GPRIN3: variants seen among roughly 807,000 people sequenced by gnomAD.
GPRIN3 encodes the protein GPRIN family member 3, also known as G protein-regulated inducer of neurite outgrowth 3.
GPRIN3 carries 12 observed loss-of-function variants against 13.7 expected under a neutral mutation model. The observed-to-expected ratio is 0.87, with a 90% confidence interval of 0.56 to 1.42. The LOEUF (loss-of-function observed/expected upper bound fraction) is 1.42. GPRIN3 is among the 40% of genes most tolerant of loss of function. The pLI is 0.00. For missense variants in GPRIN3, 1,009 were observed against 958.7 expected (o/e 1.05, Z -0.69); for synonymous variants, 377 against 372.7 (o/e 1.01, Z -0.13).
chr4:89,274,612 T>A lies in GPRIN3; in HGVS notation c.-123-24379A>T, dbSNP rs375093020. Reference sequence around the variant, plus strand: ...CACAGGGCAATGGGGAAAACACTGTTATTTAGAAGACACAGACTTGATTTT... The same window carrying A: ...CACAGGGCAATGGGGAAAACACTGTAATTTAGAAGACACAGACTTGATTTT... On this transcript the variant is annotated intron_variant, in intron 1 of 1. Transcript: ENST00000609438. 3.7e-4 allele frequency among the ~76,000 whole-genome samples: 57 copies of A among 152,324 alleles called. No individual in the cohort carries two copies. In the East Asian group the frequency reaches 9.8e-3, roughly 26 times the overall value.
intron 1 of GPRIN3, among the ~76,000 whole-genome samples, chr4:89,262,278 G>A (rs1217604599): frequency 7.2e-5 from 11 of 151,974 alleles, no homozygotes; most frequent in Admixed American, 7.2e-4. Flanking sequence ...ATTAAGAAGA[G>A]AAAAATGAGT....
intron 1 of GPRIN3, among the ~76,000 whole-genome samples, chr4:89,288,582 A>T (rs1256368351): frequency 1.3e-5 from 2 of 152,092 alleles, no homozygotes; most frequent in Admixed American, 6.6e-5. Context: ...AGATGAGGGG[A>T]ATTTGTTTTT....
chr4:89,241,911 G>C lies in GPRIN3; in HGVS notation c.*5869C>G, dbSNP rs561848273. 6.6e-6 allele frequency: 1 copy of C among 152,162 alleles called. No individual in the cohort carries two copies. The highest frequency in any genetic ancestry group is 1.9e-4 in the East Asian group (1 of 5,178). 9.4% of individuals were successfully genotyped at this position (152,162 alleles called of 1,614,324 possible). On this transcript the variant is annotated 3_prime_UTR_variant, in exon 2 of 2. Coordinates refer to ENST00000609438, the MANE Select transcript of GPRIN3 (RefSeq NM_198281.3). ...CTGCTCAAGAGTTTTTCTAAAGAGA[G>C]ACAATTTTTAAAGCAACAAAGAACA...
chr4:89,273,020 T>A (rs1291221173), intron 1 of GPRIN3, among the ~76,000 whole-genome samples: 1 of 152,204 alleles, frequency 6.6e-6, no homozygotes, highest in Non-Finnish European at 1.5e-5. Context: ...ACCACATTTT[T>A]TTTTGTAGAT....
At chr4:89,287,002 T>C (rs1460182349) in intron 1 of GPRIN3, among the ~76,000 whole-genome samples, 1 of 152,126 alleles carries the variant, frequency 6.6e-6, no homozygotes, top group Non-Finnish European at 1.5e-5. Flanking sequence ...ACCCTGTCTC[T>C]AAAAACAAAA....
intron 1 of GPRIN3, among the ~76,000 whole-genome samples, chr4:89,303,047 C>A (rs1043581100): frequency 1.3e-5 from 2 of 151,882 alleles, no homozygotes; most frequent in Non-Finnish European, 2.9e-5. Flanking sequence ...TGAAGCCCAC[C>A]AAGAAAATGT....
rs146179212 is a variant in GPRIN3, at chr4:89,278,218, C to T, written c.-123-27985G>A. On this transcript the variant is annotated intron_variant, in intron 1 of 1. Coordinates refer to ENST00000609438, the MANE Select transcript of GPRIN3 (RefSeq NM_198281.3). ...TGTGTTCTGAACTTAAAGAAAGGAT[C>T]GATCATTATGTCTCATTTCTATGAA... Among the ~76,000 whole-genome samples, 34 of 152,162 alleles carry T rather than the reference C, an allele frequency of 2.2e-4. 1 individual carries two copies. The East Asian group carries it at 6.4e-3, about 29-fold the overall frequency.
At chr4:89,261,784 A>C (rs930831915) in intron 1 of GPRIN3, among the ~76,000 whole-genome samples, 11 of 152,190 alleles carry the variant, frequency 7.2e-5, no homozygotes, top group Admixed American at 5.9e-4. Context: ...ATGAATACTA[A>C]GCAGCCATAC....
chr4:89,285,183 C>T lies in GPRIN3; in HGVS notation c.-124+22432G>A, dbSNP rs564636853. Among the ~76,000 whole-genome samples the T allele has an allele frequency of 5.3e-3, 808 of 151,228 alleles. 5 individuals are homozygous for T. Among genetic ancestry groups the T allele is most frequent in the African/African-American group, 0.019 (765 of 41,086 alleles). ...CAAACTGCCTTTGAAAAATCCCTACCCTACACAGGGCGGGGTCGGTTGGGG... is the reference window on the plus strand; with the variant it reads ...CAAACTGCCTTTGAAAAATCCCTACTCTACACAGGGCGGGGTCGGTTGGGG... On this transcript the variant is annotated intron_variant, in intron 1 of 1. Coordinates refer to ENST00000609438, the MANE Select transcript of GPRIN3 (RefSeq NM_198281.3).
rs1223242022 is a variant in GPRIN3, at chr4:89,249,371, T to C, written c.740A>G (p.Asn247Ser). 1.2e-6 allele frequency: 2 copies of C among 1,614,136 alleles called. No homozygotes were observed. The highest frequency in any genetic ancestry group is 2.2e-5 in the South Asian group (2 of 91,082). The change falls in exon 2 of 2, where the codon AAC becomes AGC. Residue 247 changes from asparagine to serine, a missense_variant. By Grantham distance (46) the Asn-to-Ser change is conservative. Coordinates refer to ENST00000609438, the MANE Select transcript of GPRIN3 (RefSeq NM_198281.3). ...PLTRESGCSE[N>S]KQPSVTASGP... ...CGAGGCAGTGACAGAGGGCTGCTTG[T>C]TCTCTGAACATCCAGATTCTCTAGT...
rs142684451 is a variant in GPRIN3 at position 89,294,432 on chromosome 4, G to A, written c.-124+13183C>T. On this transcript the variant is annotated intron_variant, in intron 1 of 1. Coordinates refer to ENST00000609438, the MANE Select transcript of GPRIN3 (RefSeq NM_198281.3). ...TCAGTTAATCAATTTTTATCATACT[G>A]TATGTGCATTGAGAATAAATAAATA... 3.7e-3 allele frequency among the ~76,000 whole-genome samples: 558 copies of A among 152,220 alleles called. 3 individuals carry two copies. Among genetic ancestry groups the A allele is most frequent in the Non-Finnish European group, 5.7e-3 (386 of 68,016 alleles).
At chr4:89,276,892 G>T (rs72872539) in intron 1 of GPRIN3, among the ~76,000 whole-genome samples, 2,840 of 152,312 alleles carry the variant, frequency 0.019, 84 homozygotes, top group African/African-American at 0.065. Flanking sequence ...ATTCCTATAT[G>T]GGGGTGGGAG....
At chr4:89,268,239 A>G (rs1723835671) in intron 1 of GPRIN3, among the ~76,000 whole-genome samples, 1 of 152,224 alleles carries the variant, frequency 6.6e-6, no homozygotes, top group Non-Finnish European at 1.5e-5. Context: ...GTTTCCATAC[A>G]AGAGATAGGA....
At chr4:89,299,252 G>A (rs1421406236) in intron 1 of GPRIN3, among the ~76,000 whole-genome samples, 1 of 152,004 alleles carries the variant, frequency 6.6e-6, no homozygotes, top group East Asian at 1.9e-4. Flanking sequence ...TCCTCTGTTA[G>A]TTTCGATTGG....
At position 89,241,967 on chromosome 4, in the gene GPRIN3, T is replaced by G. The variant is rs1390769900; in HGVS notation, c.*5813A>C. 3 of 152,174 alleles carry G rather than the reference T, an allele frequency of 2.0e-5. No individual in the cohort carries two copies. The highest frequency in any genetic ancestry group is 2.9e-5 in the Non-Finnish European group (2 of 68,022). 9.4% of individuals were successfully genotyped at this position (152,174 alleles called of 1,614,324 possible). ...AGCAGCAATGTCAAAAAGCAAGCTA[T>G]AATTTTCACCCCAGAAATAAATGAA... On this transcript the variant is annotated 3_prime_UTR_variant, in exon 2 of 2. Coordinates refer to ENST00000609438, the MANE Select transcript of GPRIN3 (RefSeq NM_198281.3).
intron 1 of GPRIN3, among the ~76,000 whole-genome samples, chr4:89,254,153 AGT>A: frequency 1.7e-5 from 1 of 60,158 alleles, no homozygotes; most frequent in Non-Finnish European, 3.7e-5. Flanking sequence ...GTGTGTGTGG[AGT>A]GTGTGTCCTG....
At chr4:89,303,264 G>T (rs760342869) in intron 1 of GPRIN3, among the ~76,000 whole-genome samples, 6 of 152,202 alleles carry the variant, frequency 3.9e-5, no homozygotes, top group Non-Finnish European at 2.9e-5. Context: ...TGGCTACCAA[G>T]CGATCTGGTT....
intron 1 of GPRIN3, among the ~76,000 whole-genome samples, chr4:89,257,664 A>T (rs1723504969): frequency 1.3e-5 from 2 of 152,212 alleles, no homozygotes; most frequent in South Asian, 4.1e-4. Flanking sequence ...CCACATTGTT[A>T]ACCAGTTTTA....
rs6532146 is a variant in GPRIN3 at position 89,245,627 on chromosome 4, C to A, written c.*2153G>T. On this transcript the variant is annotated 3_prime_UTR_variant, in exon 2 of 2. Coordinates refer to ENST00000609438, the MANE Select transcript of GPRIN3 (RefSeq NM_198281.3). Reference sequence around the variant, plus strand: ...CTGGGGCCACCCATCTGGAGTAGGCCCTGTTGACAGCTGCTACTGTGTACA... The same window carrying A: ...CTGGGGCCACCCATCTGGAGTAGGCACTGTTGACAGCTGCTACTGTGTACA... The A allele has an allele frequency of 0.54, 82,508 of 151,826 alleles. 23,134 individuals are homozygous for A. Among genetic ancestry groups the A allele is most frequent in the South Asian group, 0.76 (3,652 of 4,812 alleles). 9.4% of individuals were successfully genotyped at this position (151,826 alleles called of 1,614,324 possible). A position where few individuals can be genotyped will look rare whatever the true frequency, so the allele number is the denominator to read the frequency against.
Sources: allele counts gnomAD v4.1 joint callset (sites outside exome capture counted in the v4.1 genomes callset), GRCh38; gene constraint gnomAD v4.1.1; transcripts MANE v1.5; gene names NCBI Gene and HGNC (gene_info 2026-07-23, HGNC 2026-07-21).